The following IGF1R variants were observed in gnomAD, a reference collection of about 807,000 sequenced individuals.
The protein encoded by IGF1R is insulin-like growth factor 1 receptor.
IGF1R carries 44 observed loss-of-function variants against 144.6 expected under a neutral mutation model. That is an observed-to-expected ratio of 0.30 (90% CI 0.24 to 0.39). IGF1R has a LOEUF of 0.39. Among genes scored for constraint, IGF1R ranks in the 10% least tolerant of loss-of-function variants. IGF1R has a pLI of 1.00. For missense variants in IGF1R, 1,355 were observed against 1,833.7 expected, an observed-to-expected ratio of 0.74 and a Z score of 4.77; for synonymous variants, 795 against 722.8, an observed-to-expected ratio of 1.10 and a Z score of -1.60.
intron 2 of IGF1R, among the ~76,000 whole-genome samples, chr15:98,816,810 A>AGG (rs2056704725): frequency 6.6e-6 from 1 of 152,176 alleles, no homozygotes; most frequent in Non-Finnish European, 1.5e-5. Flanking sequence ...GAGGTGGGAG[A>AGG]GGGAGATGAA....
intron 2 of IGF1R, among the ~76,000 whole-genome samples, chr15:98,859,260 C>G (rs536374577): frequency 1.2e-4 from 19 of 152,278 alleles, no homozygotes; most frequent in African/African-American, 4.6e-4. Flanking sequence ...AGTTTTGCAA[C>G]AGCCGATGAG....
At chr15:98,723,184 C>T (rs530996503) in intron 2 of IGF1R, among the ~76,000 whole-genome samples, 2 of 152,212 alleles carry the variant, frequency 1.3e-5, no homozygotes, top group South Asian at 4.2e-4. Flanking sequence ...CGCTCCCCCA[C>T]CCCAACTTTA....
intron 1 of IGF1R, among the ~76,000 whole-genome samples, chr15:98,656,705 C>G (rs1023320558): frequency 3.3e-5 from 5 of 152,066 alleles, no homozygotes; most frequent in Non-Finnish European, 7.4e-5. Flanking sequence ...TGTTTTATCT[C>G]ACTCCTCAGT....
intron 2 of IGF1R, among the ~76,000 whole-genome samples, chr15:98,855,405 T>C (rs1243314028): frequency 6.6e-6 from 1 of 152,250 alleles, no homozygotes; most frequent in Non-Finnish European, 1.5e-5. Context: ...CCTGAATTCG[T>C]GCCTTGCAGG....
chr15:98,704,133 A>G lies in IGF1R; in HGVS notation c.95-3429A>G, dbSNP rs1028043960. Among the ~76,000 whole-genome samples the G allele has an allele frequency of 6.6e-6, 1 of 152,164 alleles. No homozygotes were observed. The highest frequency in any genetic ancestry group is 2.4e-5 in the African/African-American group (1 of 41,422). ...TCCACACATGCCCAGATTCCCTCAG[A>G]CACCTCCACAAAGGGTAATAAAATG... On this transcript the variant is annotated intron_variant, in intron 1 of 20. Transcript: ENST00000650285. The surrounding 1 kb of genome is among the most constrained non-coding windows in gnomAD (Gnocchi z 4.9).
At chr15:98,866,681 C>A (rs2012466203) in intron 2 of IGF1R, among the ~76,000 whole-genome samples, 1 of 152,146 alleles carries the variant, frequency 6.6e-6, no homozygotes, top group Non-Finnish European at 1.5e-5. Context: ...CCTTCAGGAG[C>A]CATGAAATTT....
intron 2 of IGF1R, among the ~76,000 whole-genome samples, chr15:98,758,204 A>ATT (rs1403059706): frequency 6.8e-6 from 1 of 147,262 alleles, no homozygotes; most frequent in African/African-American, 2.5e-5. Flanking sequence ...AAAATTTTAA[A>ATT]GTGTTTTTTT....
At chr15:98,674,977 A>ATG (rs2052995996) in intron 1 of IGF1R, among the ~76,000 whole-genome samples, 1 of 98,892 alleles carries the variant, frequency 1.0e-5, no homozygotes, top group Non-Finnish European at 1.8e-5. Flanking sequence ...GTATTTTACA[A>ATG]TTTTTTTTTT....
rs1377412234 is a variant in IGF1R, at chr15:98,922,310, T to C, written c.2364T>C (p.Thr788=). The C allele has an allele frequency of 3.1e-6, 5 of 1,614,160 alleles. No homozygotes were observed. The highest frequency in any genetic ancestry group is 4.2e-6 in the Non-Finnish European group (5 of 1,180,030). ...GCAGAGTGGATAACAAGGAGAGAAC[T>C]GTCATTTCTAACCTTCGGCCTTTCA... The part of the protein sequence containing the change: ...FESRVDNKER[T]VISNLRPFTL... Residue 788 remains threonine, a synonymous_variant, in exon 11 of 21, where the codon ACT becomes ACC. Coordinates refer to ENST00000650285, the MANE Select transcript of IGF1R (RefSeq NM_000875.5).
intron 6 of IGF1R, among the ~76,000 whole-genome samples, chr15:98,909,509 TCA>T (rs1262467917): frequency 1.1e-4 from 17 of 152,320 alleles, no homozygotes; most frequent in African/African-American, 4.1e-4. Context: ...TCCACGTGCC[TCA>T]GCCTCCCAAA....
chr15:98,795,423 G>GT (rs1368789084), intron 2 of IGF1R, among the ~76,000 whole-genome samples: 3 of 151,946 alleles, frequency 2.0e-5, no homozygotes, highest in Non-Finnish European at 4.4e-5. Context: ...GTTTTGTTTT[G>GT]TTTTGTTTTG....
chr15:98,723,145 C>T (rs760334825), intron 2 of IGF1R, among the ~76,000 whole-genome samples: 9 of 151,836 alleles, frequency 5.9e-5, no homozygotes, highest in African/African-American at 1.9e-4. Flanking sequence ...GAGTTTCGTA[C>T]ATGTTTAGTT....
chr15:98,834,126 C>G (rs780459939), intron 2 of IGF1R, among the ~76,000 whole-genome samples: 1 of 152,234 alleles, frequency 6.6e-6, no homozygotes, highest in African/African-American at 2.4e-5. Flanking sequence ...ATTGCTGGAG[C>G]ATGTAACAGC....
chr15:98,673,128 G>T (rs549731616), intron 1 of IGF1R, among the ~76,000 whole-genome samples: 13 of 152,230 alleles, frequency 8.5e-5, no homozygotes, highest in African/African-American at 3.1e-4. Flanking sequence ...CCAAGTAGTT[G>T]GGCTGATAGA....
intron 2 of IGF1R, among the ~76,000 whole-genome samples, chr15:98,832,955 CTTTG>C (rs1181846970): frequency 3.9e-5 from 6 of 152,292 alleles, no homozygotes; most frequent in East Asian, 1.9e-4. Context: ...TCTTTCATGA[CTTTG>C]TTTGGTAACC....
At chr15:98,883,561 G>T (rs1271214234) in intron 2 of IGF1R, among the ~76,000 whole-genome samples, 3 of 152,180 alleles carry the variant, frequency 2.0e-5, no homozygotes, top group African/African-American at 7.2e-5. Flanking sequence ...TCTTCCCTGG[G>T]GTGATAGGGA....
intron 5 of IGF1R, among the ~76,000 whole-genome samples, chr15:98,902,648 T>A (rs571607035): frequency 6.6e-6 from 1 of 151,572 alleles, no homozygotes; most frequent in African/African-American, 2.4e-5. Context: ...ACTCCTGACC[T>A]TGTGATCCGC....
At chr15:98,883,842 C>A (rs1010079630) in intron 2 of IGF1R, among the ~76,000 whole-genome samples, 1 of 152,124 alleles carries the variant, frequency 6.6e-6, no homozygotes, top group Non-Finnish European at 1.5e-5. Context: ...TCCTAGGCAG[C>A]CCCTGAGGGA....
intron 7 of IGF1R, among the ~76,000 whole-genome samples, chr15:98,912,750 CA>C (rs1377173292): frequency 1.3e-5 from 2 of 152,172 alleles, no homozygotes; most frequent in Non-Finnish European, 2.9e-5. Flanking sequence ...AAAAATGCTG[CA>C]ATCAGAAGAG....
Sources: gnomAD v4.1 joint callset for allele counts (sites outside exome capture counted in the v4.1 genomes callset) on GRCh38, gnomAD v4.1.1 for gene constraint, Gnocchi (gnomAD v3.1) non-coding constraint, MANE v1.5 for transcripts, NCBI Gene and HGNC (gene_info 2026-07-23, HGNC 2026-07-21) for gene names.